The following EXOC6B variants were observed in gnomAD, a reference collection of about 807,000 sequenced individuals.
EXOC6B encodes the protein exocyst complex component 6B.
In EXOC6B, 54 loss-of-function variants were observed where a neutral mutation model predicts 113.5. The ratio of observed to expected loss-of-function variants is 0.48; its 90% confidence interval spans 0.38 to 0.60. EXOC6B has a LOEUF of 0.60. EXOC6B is among the 20% of genes least tolerant of loss of function. The probability of loss-of-function intolerance (pLI) is 0.00; values close to 1 mark genes in which losing one functional copy is unlikely to be tolerated. For missense variants in EXOC6B, 797 were observed against 977.5 expected (o/e 0.82, Z 2.46); for synonymous variants, 357 against 339.0 (o/e 1.05, Z -0.58).
At chr2:72,642,645 T>G (rs1198984586) in intron 6 of EXOC6B, among the ~76,000 whole-genome samples, 1 of 146,944 alleles carries the variant, frequency 6.8e-6, no homozygotes, top group Non-Finnish European at 1.5e-5. Flanking sequence ...ACGTTAGACC[T>G]AAAACCATAA....
At position 72,628,528 on chromosome 2, in the gene EXOC6B, T is replaced by C. The variant is rs1031923656; in HGVS notation, c.670-52860A>G. ...GTTTGTGACCCCTAAAATTCATATGTTGAAATCCTAACCCACAATATGATG... is the reference window on the plus strand; with the variant it reads ...GTTTGTGACCCCTAAAATTCATATGCTGAAATCCTAACCCACAATATGATG... On this transcript the variant is annotated intron_variant, in intron 6 of 21. Coordinates refer to ENST00000272427, the MANE Select transcript of EXOC6B (RefSeq NM_015189.3). Among the ~76,000 whole-genome samples, 60 of 152,262 alleles carry C rather than the reference T, an allele frequency of 3.9e-4. 1 individual carries two copies. Among genetic ancestry groups the C allele is most frequent in the Non-Finnish European group, 6.3e-4 (43 of 68,022 alleles).
chr2:72,658,520 T>G (rs1383370149), intron 6 of EXOC6B, among the ~76,000 whole-genome samples: 1 of 152,010 alleles, frequency 6.6e-6, no homozygotes, highest in Non-Finnish European at 1.5e-5. Context: ...CCTCTATCAG[T>G]GATCATCTCT....
chr2:72,603,064 G>A (rs1411275789), intron 6 of EXOC6B, among the ~76,000 whole-genome samples: 1 of 121,854 alleles, frequency 8.2e-6, no homozygotes, highest in African/African-American at 3.0e-5. Context: ...ACTTGTGTAC[G>A]GACAGATGGT....
intron 6 of EXOC6B, among the ~76,000 whole-genome samples, chr2:72,609,770 C>T (rs539117917): frequency 1.3e-5 from 2 of 151,872 alleles, no homozygotes; most frequent in African/African-American, 4.8e-5. Flanking sequence ...CAATAAACAA[C>T]AAGAAATATA....
At chr2:72,609,026 C>T (rs78031517) in intron 6 of EXOC6B, among the ~76,000 whole-genome samples, 2,347 of 152,174 alleles carry the variant, frequency 0.015, 82 homozygotes, top group African/African-American at 0.054. Context: ...AAACACAAAG[C>T]CACTTATTCT....
At chr2:72,819,054 C>A (rs1686438879) in intron 1 of EXOC6B, among the ~76,000 whole-genome samples, 1 of 152,170 alleles carries the variant, frequency 6.6e-6, no homozygotes, top group African/African-American at 2.4e-5. Context: ...TTGCTGCCTG[C>A]TGTACCCCAG....
rs1677831206 is a variant in EXOC6B, at chr2:72,177,846, ATTGT to A, written c.*1485_*1488del. The A allele has an allele frequency of 6.6e-6, 1 of 152,116 alleles. No individual in the cohort carries two copies. The highest frequency in any genetic ancestry group is 6.5e-5 in the Admixed American group (1 of 15,274). 9.4% of individuals were successfully genotyped at this position (152,116 alleles called of 1,614,324 possible). The stretch of plus-strand genomic sequence containing the variant: ...GAAATGCCTGTGTGGCTTATTTGTC[ATTGT>A]TTGGTGATGCACAATTATACTCTTG... On this transcript the variant is annotated 3_prime_UTR_variant, in exon 22 of 22. Transcript: ENST00000272427.
intron 6 of EXOC6B, among the ~76,000 whole-genome samples, chr2:72,654,425 G>T (rs1025548142): frequency 2.0e-5 from 3 of 152,162 alleles, no homozygotes; most frequent in Non-Finnish European, 4.4e-5. Context: ...AATTAGCAGG[G>T]TTAGACAAGA....
intron 6 of EXOC6B, among the ~76,000 whole-genome samples, chr2:72,580,897 G>T (rs1665506735): frequency 6.6e-6 from 1 of 152,206 alleles, no homozygotes; most frequent in African/African-American, 2.4e-5. Context: ...CTCTCAGAGA[G>T]TCCCATGGAT....
intron 20 of EXOC6B, among the ~76,000 whole-genome samples, chr2:72,242,457 T>A (rs1389622466): frequency 6.6e-6 from 1 of 152,134 alleles, no homozygotes; most frequent in Non-Finnish European, 1.5e-5. Flanking sequence ...TCTGTAAATG[T>A]ATATTGCAAA....
intron 6 of EXOC6B, among the ~76,000 whole-genome samples, chr2:72,651,845 C>G (rs1395777051): frequency 6.6e-6 from 1 of 152,114 alleles, no homozygotes; most frequent in East Asian, 1.9e-4. Context: ...GATCTCCTGA[C>G]CTTGTGATCC....
intron 1 of EXOC6B, among the ~76,000 whole-genome samples, chr2:72,797,213 G>A (rs1685014775): frequency 1.3e-5 from 2 of 152,182 alleles, no homozygotes; most frequent in Admixed American, 1.3e-4. Context: ...CTCTTCCTCA[G>A]CAAGGATGAT....
In EXOC6B at chr2:72,807,330, T is replaced by C. The variant is rs188964866; in HGVS notation, c.113+18468A>G. On this transcript the variant is annotated intron_variant, in intron 1 of 21. Transcript: ENST00000272427. The stretch of plus-strand genomic sequence containing the variant: ...GATTTTATCAAAGATCAGATGGTTG[T>C]AGGTGTGTGACTTTATTTCTTGGCT... Among the ~76,000 whole-genome samples the C allele has an allele frequency of 1.3e-4, 20 of 152,328 alleles. 1 individual carries two copies. In the East Asian group the frequency reaches 3.7e-3, roughly 28 times the overall value.
At position 72,535,228 on chromosome 2, in the gene EXOC6B, T is replaced by C. The variant is rs866287923; in HGVS notation, c.916-20102A>G. On this transcript the variant is annotated intron_variant, in intron 8 of 21. Transcript: ENST00000272427. ...CCTAGATGTACCTCTTCAGAGTCTA[T>C]TGTGCTACTTGGTTTGAAACCCACA... Among the ~76,000 whole-genome samples the C allele has an allele frequency of 4.6e-5, 7 of 152,228 alleles. No individual in the cohort carries two copies. In the East Asian group the frequency reaches 5.8e-4, roughly 13 times the overall value.
At chr2:72,373,512 C>G (rs1241898117) in intron 19 of EXOC6B, among the ~76,000 whole-genome samples, 1 of 152,132 alleles carries the variant, frequency 6.6e-6, no homozygotes, top group Non-Finnish European at 1.5e-5. Context: ...TATTTGCATA[C>G]TATCCATCTG....
intron 8 of EXOC6B, among the ~76,000 whole-genome samples, chr2:72,540,649 G>A (rs983928): frequency 0.92 from 140,194 of 152,232 alleles, 64,632 homozygotes; most frequent in East Asian, 0.99. Flanking sequence ...CCTTTATAGC[G>A]TATTTTCCCA....
chr2:72,563,037 G>T (rs1703978027), intron 7 of EXOC6B, among the ~76,000 whole-genome samples: 1 of 152,094 alleles, frequency 6.6e-6, no homozygotes, highest in Non-Finnish European at 1.5e-5. Context: ...CCTTTTTCCA[G>T]AGGATCAAAT....
At chr2:72,344,451 A>AC (rs1689201775) in intron 19 of EXOC6B, among the ~76,000 whole-genome samples, 1 of 148,986 alleles carries the variant, frequency 6.7e-6, no homozygotes, top group South Asian at 2.1e-4. Flanking sequence ...CTGTTGATTT[A>AC]CTTTTTTTTT....
intron 1 of EXOC6B, among the ~76,000 whole-genome samples, chr2:72,742,511 C>G (rs1681389015): frequency 6.6e-6 from 1 of 152,050 alleles, no homozygotes; most frequent in Non-Finnish European, 1.5e-5. Context: ...ATCCCTCTTC[C>G]CTTCCCAGCA....
Sources: gnomAD v4.1 joint callset for allele counts (sites outside exome capture counted in the v4.1 genomes callset) on GRCh38, gnomAD v4.1.1 for gene constraint, MANE v1.5 for transcripts, NCBI Gene and HGNC (gene_info 2026-07-23, HGNC 2026-07-21) for gene names.